GRM7: variants seen among roughly 807,000 people sequenced by gnomAD.
The protein encoded by GRM7 is metabotropic glutamate receptor 7.
A neutral mutation model predicts 84.5 loss-of-function variants in GRM7; 35 were observed. That is an observed-to-expected ratio of 0.41 (90% CI 0.32 to 0.55). The LOEUF (loss-of-function observed/expected upper bound fraction) is 0.55, where lower values mean the gene tolerates loss of function less well. Ranked by LOEUF, GRM7 falls within the 20% of genes least tolerant of loss-of-function variation. GRM7 has a pLI of 0.19. For missense variants in GRM7, 1,003 were observed against 1,194.6 expected, an observed-to-expected ratio of 0.84 and a Z score of 2.36; for synonymous variants, 487 against 455.1, an observed-to-expected ratio of 1.07 and a Z score of -0.89.
intron 4 of GRM7, among the ~76,000 whole-genome samples, chr3:7,407,768 T>C (rs1000265586): frequency 6.6e-6 from 1 of 152,240 alleles, no homozygotes; most frequent in African/African-American, 2.4e-5. Flanking sequence ...TTAAATAACA[T>C]AGCCAGTAGT....
At chr3:7,526,000 G>C (rs1700792120) in intron 7 of GRM7, among the ~76,000 whole-genome samples, 1 of 151,490 alleles carries the variant, frequency 6.6e-6, no homozygotes, top group Non-Finnish European at 1.5e-5. Context: ...TTGCTACTGT[G>C]AAAAACATAT....
At chr3:6,956,560 C>T (rs1226888535) in intron 1 of GRM7, 3 of 456,546 alleles carry the variant, frequency 6.6e-6, no homozygotes, top group African/African-American at 4.0e-5. Flanking sequence ...CTCTTCTGTT[C>T]TCCTAGGGAG....
rs1114167298 is a variant in GRM7, at chr3:6,861,849, T to C, written c.461T>C (p.Ile154Thr). The C allele has an allele frequency of 3.1e-6, 5 of 1,613,962 alleles. No homozygotes were observed. The highest frequency in any genetic ancestry group is 4.2e-6 in the Non-Finnish European group (5 of 1,180,016). The change falls in exon 1 of 10, where the codon ATT (isoleucine) becomes ACT (threonine). Residue 154 changes from isoleucine (I) to threonine (T), a missense_variant. Around this residue, in one of 2 missense-constraint regions of GRM7, gnomAD observed 910 missense variants for 1,126.0 expected, o/e 0.81. Coordinates refer to ENST00000357716, the MANE Select transcript of GRM7 (RefSeq NM_000844.4). This position sits in a 1 kb window ranked among gnomAD's most constrained non-coding sequence, Gnocchi z 6.4. ...FVKPEKVVGV[I>T]GASGSSVSIM... ...AAGCCGGAGAAAGTAGTTGGAGTGATTGGGGCTTCGGGGAGTTCGGTCTCC... is the reference window on the plus strand; with the variant it reads ...AAGCCGGAGAAAGTAGTTGGAGTGACTGGGGCTTCGGGGAGTTCGGTCTCC...
intron 1 of GRM7, among the ~76,000 whole-genome samples, chr3:7,111,646 C>T (rs1156361603): frequency 6.6e-6 from 1 of 152,124 alleles, no homozygotes; most frequent in Non-Finnish European, 1.5e-5. Flanking sequence ...ATTGGATAGA[C>T]TCATTATTTG....
intron 1 of GRM7, among the ~76,000 whole-genome samples, chr3:7,036,909 A>C (rs1696409523): frequency 6.6e-6 from 1 of 152,144 alleles, no homozygotes; most frequent in African/African-American, 2.4e-5. Flanking sequence ...CATCTACAAA[A>C]TGAGTCTGGC....
intron 1 of GRM7, among the ~76,000 whole-genome samples, chr3:7,094,574 C>A (rs954762747): frequency 6.6e-6 from 1 of 152,154 alleles, no homozygotes; most frequent in South Asian, 2.1e-4. Context: ...TAGTTGCACT[C>A]CCATTGGGCA....
At chr3:7,236,725 A>G (rs1258778929) in intron 2 of GRM7, among the ~76,000 whole-genome samples, 1 of 152,210 alleles carries the variant, frequency 6.6e-6, no homozygotes, top group Admixed American at 6.5e-5. Flanking sequence ...ATCACAAGAT[A>G]TGTGAATGAT....
At chr3:7,509,224 G>C (rs1031365179) in intron 7 of GRM7, among the ~76,000 whole-genome samples, 1 of 152,068 alleles carries the variant, frequency 6.6e-6, no homozygotes, top group Non-Finnish European at 1.5e-5. Context: ...GAGAGAGAGA[G>C]AGAACAAAAG....
chr3:7,713,482 T>C (rs139569385), intron 9 of GRM7, among the ~76,000 whole-genome samples: 2 of 152,188 alleles, frequency 1.3e-5, no homozygotes, highest in South Asian at 2.1e-4. Context: ...CAATCTATAA[T>C]GTGGCCCCTG....
At chr3:7,686,210 C>A (rs1200927871) in intron 9 of GRM7, 2 of 499,712 alleles carry the variant, frequency 4.0e-6, no homozygotes, top group Non-Finnish European at 7.3e-6. Context: ...CCTGGTCTAC[C>A]AAAGGATATT....
chr3:7,409,226 G>C (rs561412461), intron 4 of GRM7, among the ~76,000 whole-genome samples: 2 of 152,010 alleles, frequency 1.3e-5, no homozygotes, highest in South Asian at 4.2e-4. Context: ...GCATTCTCTT[G>C]GTTCTGATAT....
At chr3:7,527,501 T>C in intron 7 of GRM7, among the ~76,000 whole-genome samples, 1 of 152,074 alleles carries the variant, frequency 6.6e-6, no homozygotes, top group East Asian at 1.9e-4. Context: ...TCTTTTCCTG[T>C]TTGGATGCCT....
At chr3:6,994,444 C>A (rs1191574496) in intron 1 of GRM7, among the ~76,000 whole-genome samples, 1 of 152,136 alleles carries the variant, frequency 6.6e-6, no homozygotes, top group African/African-American at 2.4e-5. Context: ...GTCTTAGTTG[C>A]CCTTAATAAA....
intron 7 of GRM7, among the ~76,000 whole-genome samples, chr3:7,539,660 G>C (rs1338883089): frequency 1.5e-5 from 2 of 129,054 alleles, no homozygotes; most frequent in Non-Finnish European, 3.1e-5. Flanking sequence ...GGGCGACAGA[G>C]CAAGACTCTG....
rs746760719 is a variant in GRM7, at chr3:7,056,603, G to C, written c.520-89849G>C. Reference sequence around the variant, plus strand: ...TGTGCAAGTGAGAAGCAGCTCAGAGGTGAATCAGGTTTTGTAGCTACTACG... The same window carrying C: ...TGTGCAAGTGAGAAGCAGCTCAGAGCTGAATCAGGTTTTGTAGCTACTACG... On this transcript the variant is annotated intron_variant, in intron 1 of 9. Transcript: ENST00000357716. Among the ~76,000 whole-genome samples the C allele has an allele frequency of 2.0e-5, 3 of 152,084 alleles. No homozygotes were observed. In the East Asian group the frequency reaches 5.8e-4, roughly 30 times the overall value.
At chr3:7,278,842 T>C (rs1241242887) in intron 2 of GRM7, among the ~76,000 whole-genome samples, 3 of 152,160 alleles carry the variant, frequency 2.0e-5, no homozygotes, top group African/African-American at 7.2e-5. Context: ...AGATACAAAC[T>C]AAGTAATTTG....
At chr3:7,309,937 T>C (rs1700333068) in intron 4 of GRM7, among the ~76,000 whole-genome samples, 1 of 152,174 alleles carries the variant, frequency 6.6e-6, no homozygotes, top group Admixed American at 6.6e-5. Context: ...ATTTTTAGTG[T>C]GTCTGCATTG....
chr3:7,262,287 T>C (rs538548959), intron 2 of GRM7, among the ~76,000 whole-genome samples: 170 of 152,252 alleles, frequency 1.1e-3, no homozygotes, highest in African/African-American at 4.0e-3. Flanking sequence ...GAGGTTTTCT[T>C]TGTTCCTTTT....
rs1695821549 is a variant in GRM7 at position 7,592,257 on chromosome 3, A to G, written c.2451+12900A>G. Among the ~76,000 whole-genome samples, 4 of 152,186 alleles carry G rather than the reference A, an allele frequency of 2.6e-5. No homozygotes were observed. In the South Asian group the frequency reaches 8.3e-4, roughly 32 times the overall value. On this transcript the variant is annotated intron_variant, in intron 8 of 9. Transcript: ENST00000357716. The stretch of plus-strand genomic sequence containing the variant: ...AGGAGAATATCAGACTGTGGCAAAT[A>G]TAAAAAAAAAAGCAGATAAGAGAAG...
Sources: allele counts gnomAD v4.1 joint callset (sites outside exome capture counted in the v4.1 genomes callset), GRCh38; gene constraint gnomAD v4.1.1; regional missense constraint gnomAD v4.1.1; non-coding constraint Gnocchi (gnomAD v3.1); transcripts MANE v1.5; gene names NCBI Gene and HGNC (gene_info 2026-07-23, HGNC 2026-07-21).